Variants in HDAC5 observed in about 807,000 individuals in gnomAD.
HDAC5 encodes the protein histone deacetylase 5.
In HDAC5, 25 loss-of-function variants were observed where a neutral mutation model predicts 133.3. That is an observed-to-expected ratio of 0.19 (90% CI 0.14 to 0.26). HDAC5 has a LOEUF of 0.26. HDAC5 is among the 10% of genes least tolerant of loss of function. The pLI is 1.00. For synonymous variants in HDAC5, 589 were observed against 610.8 expected (o/e 0.96, Z 0.53); for missense variants, 1,041 against 1,460.5 (o/e 0.71, Z 4.68).
chr17:44,100,356 G>T (rs2051516012), intron 3 of HDAC5, among the ~76,000 whole-genome samples: 1 of 151,954 alleles, frequency 6.6e-6, no homozygotes, highest in Non-Finnish European at 1.5e-5. Flanking sequence ...AGCCCTGGGG[G>T]GAGGGAGCTG....
chr17:44,080,774 C>A lies in HDAC5; in HGVS notation c.2716G>T (p.Ala906Ser). The A allele has an allele frequency of 6.2e-7, 1 of 1,614,226 alleles. No individual in the cohort carries two copies. The highest frequency in any genetic ancestry group is 8.5e-7 in the Non-Finnish European group (1 of 1,180,036). ...CCCAGGAGCTGTACCTCTTCAGGAG[C>A]CCCAGAGCCTGGAAAGAAGTTCCCG... is the stretch of plus-strand genomic sequence containing the variant. Reference protein sequence around the residue: ...DNGNFFPGSGAPEEVGGGPGV... With the variant: ...DNGNFFPGSGSPEEVGGGPGV... Residue 906 changes from alanine (A) to serine (S), a missense_variant, in exon 21 of 27, where the codon GCT (alanine) becomes TCT (serine). By Grantham distance (99) the Ala-to-Ser change is moderately conservative (BLOSUM62 1). Coordinates refer to ENST00000682912, the MANE Select transcript of HDAC5 (RefSeq NM_005474.5).
Position 44,104,601 on chromosome 17 carries a change from C to T in HDAC5, c.94+6128G>A, listed in dbSNP as rs186518548. 2.1e-4 allele frequency among the ~76,000 whole-genome samples: 32 copies of T among 152,348 alleles called. No individual in the cohort carries two copies. In the East Asian group the frequency reaches 5.2e-3, roughly 25 times the overall value. Reference sequence around the variant, plus strand: ...CTGAGAGCAGCTTCCTTCCCACTCCCGCACTTCCAGGCCATCTCACCTGCC... The same window carrying T: ...CTGAGAGCAGCTTCCTTCCCACTCCTGCACTTCCAGGCCATCTCACCTGCC... On this transcript the variant is annotated intron_variant, in intron 3 of 26. Coordinates refer to ENST00000682912, the MANE Select transcript of HDAC5 (RefSeq NM_005474.5).
chr17:44,084,729 C>T, intron 15 of HDAC5, 54 bp from the exon 16 acceptor site: 1 of 1,597,038 alleles, frequency 6.3e-7, no homozygotes, highest in Non-Finnish European at 8.6e-7. Context: ...CTCTCAGAGC[C>T]TCTCTGCCCC....
rs2052728922 is a variant in HDAC5, at chr17:44,117,624, G to A, written c.-109C>T. 15 of 1,354,438 alleles carry A rather than the reference G, an allele frequency of 1.1e-5. No homozygotes were observed. The highest frequency in any genetic ancestry group is 2.3e-5 in the South Asian group (2 of 85,890). 83.9% of individuals were successfully genotyped at this position (1,354,438 alleles called of 1,614,324 possible). On this transcript the variant is annotated 5_prime_UTR_variant, in exon 2 of 27. Transcript: ENST00000682912. The surrounding 1 kb of genome is among the most constrained non-coding windows in gnomAD (Gnocchi z 4.2). ...GATAACAGACAGACGGACGGGACGG[G>A]AGCCCGGGGCCGCCGTGCCTCTAAT...
chr17:44,092,601 G>GCAGATGTGTGCT, intron 7 of HDAC5, 74 bp from the exon 8 acceptor site: 1 of 1,551,990 alleles, frequency 6.4e-7, no homozygotes, highest in Non-Finnish European at 8.8e-7. Flanking sequence ...CTGGGGTCAG[G>GCAGATGTGTGCT]GCTGACACTG....
At chr17:44,078,453 G>C (rs545965258) in intron 26 of HDAC5, 38 bp from the exon 27 acceptor site, 1 of 1,569,632 alleles carries the variant, frequency 6.4e-7, no homozygotes, top group Non-Finnish European at 8.7e-7. Context: ...TGAGTGGGGC[G>C]CACCAGCAGG....
At chr17:44,090,799 C>T (rs931928757) in intron 11 of HDAC5, among the ~76,000 whole-genome samples, 1 of 152,130 alleles carries the variant, frequency 6.6e-6, no homozygotes, top group Non-Finnish European at 1.5e-5. Context: ...ACACTGTTCT[C>T]CTGCCTCAGC....
intron 1 of HDAC5, among the ~76,000 whole-genome samples, chr17:44,121,101 GAAAAAA>G (rs35741759): frequency 2.3e-5 from 2 of 87,884 alleles, no homozygotes; most frequent in East Asian, 7.3e-4. Context: ...GCTATTTCTA[GAAAAAA>G]AAAAAAAAAA....
Position 44,099,664 on chromosome 17 carries a change from C to T in HDAC5, c.95-5830G>A, listed in dbSNP as rs548893351. ...TAATTTTTTGTATTTTTAGTAGAGA[C>T]GGGGTTTCACCGTGTTAGCCAGGGT... On this transcript the variant is annotated intron_variant, in intron 3 of 26. Transcript: ENST00000682912. Among the ~76,000 whole-genome samples the T allele has an allele frequency of 2.6e-4, 39 of 152,106 alleles. No homozygotes were observed. In the South Asian group the frequency reaches 5.8e-3, roughly 23 times the overall value.
In HDAC5 at chr17:44,123,582, G is replaced by C. The variant is rs1439145509; in HGVS notation, c.-268C>G. 1.8e-5 allele frequency: 7 copies of C among 399,618 alleles called. No homozygotes were observed. Among genetic ancestry groups the C allele is most frequent in the East Asian group, 3.6e-5 (1 of 28,112 alleles). 24.8% of individuals were successfully genotyped at this position (399,618 alleles called of 1,614,324 possible). A position where few individuals can be genotyped will look rare whatever the true frequency, so the allele number is the denominator to read the frequency against. On this transcript the variant is annotated 5_prime_UTR_variant, in exon 1 of 27. Coordinates refer to ENST00000682912, the MANE Select transcript of HDAC5 (RefSeq NM_005474.5). Reference sequence around the variant, plus strand: ...GCAGCGGCGGCAGCACCTCCTCGACGGCTCCTCCATCTTTGCGGCGGCTCC... The same window carrying C: ...GCAGCGGCGGCAGCACCTCCTCGACCGCTCCTCCATCTTTGCGGCGGCTCC...
intron 3 of HDAC5, among the ~76,000 whole-genome samples, chr17:44,097,052 G>A (rs892631969): frequency 5.3e-5 from 8 of 152,232 alleles, no homozygotes; most frequent in African/African-American, 1.9e-4. Flanking sequence ...AGAGGGAGGT[G>A]GGAGGTAGGA....
intron 2 of HDAC5, among the ~76,000 whole-genome samples, chr17:44,114,752 T>C (rs548455445): frequency 2.0e-5 from 3 of 152,312 alleles, no homozygotes; most frequent in African/African-American, 7.2e-5. Context: ...TCTGTCAGCC[T>C]TTCAGCCCCA....
intron 11 of HDAC5, 64 bp from the exon 12 acceptor site, chr17:44,088,662 C>A: frequency 1.3e-6 from 2 of 1,557,806 alleles, no homozygotes; most frequent in Non-Finnish European, 1.7e-6. Context: ...TCCCACCGAC[C>A]CTGCATCTTG....
At chr17:44,081,416 A>G (rs1007007060) in intron 20 of HDAC5, among the ~76,000 whole-genome samples, 20 of 150,258 alleles carry the variant, frequency 1.3e-4, no homozygotes, top group Non-Finnish European at 2.7e-4. Flanking sequence ...TGCCCGGCCA[A>G]TTTTTTTTGT....
intron 20 of HDAC5, 21 bp downstream of exon 20, chr17:44,082,564 C>G (rs766106081): frequency 6.3e-7 from 1 of 1,597,712 alleles, no homozygotes; most frequent in Non-Finnish European, 8.6e-7. Flanking sequence ...CCCTGCCCAG[C>G]CCCACCAGCT....
At position 44,092,702 on chromosome 17, in the gene HDAC5, C is replaced by G. The variant is rs374338360; in HGVS notation, c.746G>C (p.Arg249Pro). 4 of 1,514,462 alleles carry G rather than the reference C, an allele frequency of 2.6e-6. No individual in the cohort carries two copies. The South Asian group carries it at 4.0e-5, about 15-fold the overall frequency. 93.8% of individuals were successfully genotyped at this position (1,514,462 alleles called of 1,614,324 possible). A position where few individuals can be genotyped will look rare whatever the true frequency, so the allele number is the denominator to read the frequency against. The stretch of plus-strand genomic sequence containing the variant: ...TGTTTTGCGGAGGGGGAAGTCGTCT[C>G]GACTGTCGTAGGGCCCAGGCAAAGG... ...KLPLPGPYDS[R>P]DDFPLRKTAS... The change falls in exon 7 of 27, where the codon CGA becomes CCA. Residue 249 changes from arginine to proline, a missense_variant. Arg to Pro is a moderately radical substitution (Grantham distance 103). Transcript: ENST00000682912.
At chr17:44,081,199 T>C (rs2050371736) in intron 20 of HDAC5, among the ~76,000 whole-genome samples, 2 of 152,182 alleles carry the variant, frequency 1.3e-5, no homozygotes, top group African/African-American at 4.8e-5. Flanking sequence ...CCTCACAGTT[T>C]TGGGGAAAAC....
chr17:44,114,186 G>A (rs1044874309), intron 2 of HDAC5, among the ~76,000 whole-genome samples: 2 of 152,246 alleles, frequency 1.3e-5, no homozygotes, highest in African/African-American at 4.8e-5. Flanking sequence ...CAGGGAAGAG[G>A]AGGGGAGAAG....
chr17:44,092,900 G>A (rs182167571), intron 6 of HDAC5, 94 bp from the exon 7 acceptor site: 5 of 649,368 alleles, frequency 7.7e-6, no homozygotes, highest in East Asian at 5.7e-5. Flanking sequence ...ATGAAAAATC[G>A]TTTGTATATA....
Sources: allele counts gnomAD v4.1 joint callset (sites outside exome capture counted in the v4.1 genomes callset), GRCh38; gene constraint gnomAD v4.1.1; non-coding constraint Gnocchi (gnomAD v3.1); transcripts MANE v1.5; gene names NCBI Gene and HGNC (gene_info 2026-07-23, HGNC 2026-07-21).